ZNF385D: variants seen among roughly 807,000 people sequenced by gnomAD.
The protein encoded by ZNF385D is zinc finger protein 385D, also known as zinc finger protein 659.
ZNF385D carries 15 observed loss-of-function variants against 35.8 expected under a neutral mutation model. That is an observed-to-expected ratio of 0.42 (90% CI 0.28 to 0.64). ZNF385D has a LOEUF of 0.64. Among genes scored for constraint, ZNF385D ranks in the 30% least tolerant of loss-of-function variants. The pLI is 0.23. For synonymous variants in ZNF385D, 212 were observed against 186.8 expected, an observed-to-expected ratio of 1.13 and a Z score of -1.10; for missense variants, 474 against 494.6, an observed-to-expected ratio of 0.96 and a Z score of 0.39.
At position 21,876,414 on chromosome 3, in the gene ZNF385D, C is replaced by A. The variant is rs958420350; in HGVS notation, c.326-211386G>T. 3.4e-4 allele frequency among the ~76,000 whole-genome samples: 52 copies of A among 150,842 alleles called. 1 individual carries two copies. Among genetic ancestry groups the A allele is most frequent in the Non-Finnish European group, 8.9e-5 (6 of 67,738 alleles). ...GCCACTGACTGCCTGTGAGTTTTATCTGTTAACACAACTTAATCTAGTATT... is the reference window on the plus strand; with the variant it reads ...GCCACTGACTGCCTGTGAGTTTTATATGTTAACACAACTTAATCTAGTATT... On this transcript the variant is annotated intron_variant, in intron 3 of 5. Coordinates refer to the ZNF385D transcript ENST00000494108.
At chr3:22,348,724 A>G (rs1695779583) in intron 2 of ZNF385D, among the ~76,000 whole-genome samples, 1 of 152,030 alleles carries the variant, frequency 6.6e-6, no homozygotes, top group African/African-American at 2.4e-5. Context: ...AAAGTAGGGT[A>G]CAGGCACTTA....
intron 3 of ZNF385D, among the ~76,000 whole-genome samples, chr3:22,168,316 G>A (rs1706467430): frequency 6.6e-6 from 1 of 151,836 alleles, no homozygotes; most frequent in Non-Finnish European, 1.5e-5. Flanking sequence ...GTAGTCTAAA[G>A]TTATTAAATA....
intron 3 of ZNF385D, among the ~76,000 whole-genome samples, chr3:21,901,763 T>G (rs1699425130): frequency 6.6e-6 from 1 of 152,156 alleles, no homozygotes; most frequent in African/African-American, 2.4e-5. Flanking sequence ...AAGCTATAAA[T>G]GTGACAAGTA....
At chr3:21,762,570 T>C (rs1441435149) in intron 3 of ZNF385D, among the ~76,000 whole-genome samples, 1 of 152,228 alleles carries the variant, frequency 6.6e-6, no homozygotes, top group Non-Finnish European at 1.5e-5. Flanking sequence ...AAACCTCATT[T>C]GGCAAAATTA....
intron 2 of ZNF385D, among the ~76,000 whole-genome samples, chr3:22,198,593 C>A (rs1393300933): frequency 6.6e-6 from 1 of 151,994 alleles, no homozygotes; most frequent in Non-Finnish European, 1.5e-5. Context: ...CAAAACCTGG[C>A]CTCGACATAT....
In ZNF385D at chr3:21,971,751, G is replaced by A. The variant is rs186912602; in HGVS notation, c.325+197066C>T. On this transcript the variant is annotated intron_variant, in intron 3 of 5. Coordinates refer to the ZNF385D transcript ENST00000494108. Reference sequence around the variant, plus strand: ...TCACCTATAAAGATACATATAAACTGAAAATAAAGGGATGAAAAAAGATAT... The same window carrying A: ...TCACCTATAAAGATACATATAAACTAAAAATAAAGGGATGAAAAAAGATAT... Among the ~76,000 whole-genome samples, 164 of 151,138 alleles carry A rather than the reference G, an allele frequency of 1.1e-3. 1 individual carries two copies. Among genetic ancestry groups the A allele is most frequent in the Non-Finnish European group, 9.9e-4 (67 of 67,662 alleles).
At chr3:21,784,196 T>C (rs1057383036) in intron 3 of ZNF385D, among the ~76,000 whole-genome samples, 10 of 152,150 alleles carry the variant, frequency 6.6e-5, no homozygotes, top group African/African-American at 2.4e-4. Context: ...AGCAGGAGAA[T>C]GTTATTAAGG....
At chr3:22,234,469 C>T (rs551141286) in intron 2 of ZNF385D, among the ~76,000 whole-genome samples, 3 of 152,114 alleles carry the variant, frequency 2.0e-5, no homozygotes, top group East Asian at 1.9e-4. Flanking sequence ...TCAGCATTCC[C>T]TATTAATGCC....
intron 3 of ZNF385D, among the ~76,000 whole-genome samples, chr3:22,004,255 C>T (rs1696050310): frequency 1.3e-5 from 2 of 152,168 alleles, no homozygotes; most frequent in South Asian, 4.1e-4. Flanking sequence ...AGGCAGAAGA[C>T]CCCTATCTCT....
intron 3 of ZNF385D, among the ~76,000 whole-genome samples, chr3:22,024,786 T>C (rs542520239): frequency 1.6e-4 from 25 of 152,250 alleles, no homozygotes; most frequent in African/African-American, 6.0e-4. Flanking sequence ...GTAACGAAGC[T>C]GGATGGTTGC....
At chr3:21,487,376 T>C (rs1271619783) in intron 4 of ZNF385D, among the ~76,000 whole-genome samples, 1 of 152,076 alleles carries the variant, frequency 6.6e-6, no homozygotes, top group South Asian at 2.1e-4. Context: ...GGCCCCAATA[T>C]AAATGTTAGA....
intron 3 of ZNF385D, among the ~76,000 whole-genome samples, chr3:22,095,950 A>G (rs1701598816): frequency 6.6e-6 from 1 of 151,916 alleles, no homozygotes; most frequent in South Asian, 2.1e-4. Context: ...TTTTTGAGAG[A>G]TACATTTTTT....
intron 3 of ZNF385D, among the ~76,000 whole-genome samples, chr3:22,111,982 G>A (rs540296373): frequency 2.0e-5 from 3 of 152,016 alleles, no homozygotes; most frequent in East Asian, 1.9e-4. Context: ...TAGAAAAGTC[G>A]GCTGTGCTAA....
intron 4 of ZNF385D, among the ~76,000 whole-genome samples, chr3:21,452,832 T>A (rs1202000795): frequency 1.3e-5 from 2 of 151,694 alleles, no homozygotes; most frequent in African/African-American, 4.8e-5. Context: ...TTTAACTGAG[T>A]TTTTAATACA....
intron 3 of ZNF385D, among the ~76,000 whole-genome samples, chr3:22,013,506 T>A (rs1169217608): frequency 2.6e-5 from 4 of 152,258 alleles, no homozygotes; most frequent in African/African-American, 9.6e-5. Context: ...TGTTTGATAT[T>A]TCGGTTGGTG....
At chr3:22,135,935 T>C (rs1704073279) in intron 3 of ZNF385D, among the ~76,000 whole-genome samples, 3 of 152,216 alleles carry the variant, frequency 2.0e-5, no homozygotes, top group South Asian at 2.1e-4. Flanking sequence ...CAGGCAAAAA[T>C]AATAACTTTA....
chr3:22,229,967 A>AT (rs1470888559), intron 2 of ZNF385D, among the ~76,000 whole-genome samples: 4 of 152,166 alleles, frequency 2.6e-5, no homozygotes, highest in Non-Finnish European at 5.9e-5. Flanking sequence ...CTTGCTACCT[A>AT]TACTTACACC....
rs992469107 is a variant in ZNF385D, at chr3:21,615,005, C to A, written c.165+49881G>T. Among the ~76,000 whole-genome samples the A allele has an allele frequency of 4.9e-4, 74 of 152,168 alleles. 1 individual carries two copies. The highest frequency in any genetic ancestry group is 1.5e-4 in the Non-Finnish European group (10 of 68,032). On this transcript the variant is annotated intron_variant, in intron 2 of 7. Coordinates refer to ENST00000281523, the MANE Select transcript of ZNF385D (RefSeq NM_024697.3). ...TCTGAATAGCCATCTGCCAACAAAA[C>A]CTCCCCCAGTGGAAAGTAGAAAACA...
At chr3:22,284,467 G>T (rs1357883574) in intron 2 of ZNF385D, among the ~76,000 whole-genome samples, 3 of 151,912 alleles carry the variant, frequency 2.0e-5, no homozygotes, top group Admixed American at 2.0e-4. Flanking sequence ...TGGGATTACA[G>T]GCATGAGCCA....
Sources: allele counts gnomAD v4.1 joint callset (sites outside exome capture counted in the v4.1 genomes callset), GRCh38; gene constraint gnomAD v4.1.1; transcripts MANE v1.5; gene names NCBI Gene and HGNC (gene_info 2026-07-23, HGNC 2026-07-21).